SRSF1: variants seen among roughly 807,000 people sequenced by gnomAD.
The protein encoded by SRSF1 is serine and arginine rich splicing factor 1, also known as serine/arginine-rich splicing factor 1.
In SRSF1, 1 loss-of-function variant was observed where a neutral mutation model predicts 25.9. The observed-to-expected ratio is 0.04, with a 90% CI of 0.01 to 0.18. The LOEUF (loss-of-function observed/expected upper bound fraction) is 0.18, where lower values mean the gene tolerates loss of function less well. SRSF1 is among the 10% of genes least tolerant of loss of function. SRSF1 has a pLI of 1.00. For missense variants in SRSF1, 65 were observed against 350.5 expected, an observed-to-expected ratio of 0.19 and a Z score of 6.50; for synonymous variants, 132 against 126.2, an observed-to-expected ratio of 1.05 and a Z score of -0.31.
At chr17:57,996,835 C>T (rs1219889249), downstream of SRSF1, among the ~76,000 whole-genome samples, 1 of 152,040 alleles carries the variant, frequency 6.6e-6, no homozygotes, top group Non-Finnish European at 1.5e-5. Flanking sequence ...GGTCAGGGTC[C>T]TAAAGTTAAT....
rs1219588699 is a variant in SRSF1 at position 58,005,074 on chromosome 17, A to G, written c.*332T>C. 18 of 457,060 alleles carry G rather than the reference A, an allele frequency of 3.9e-5. No homozygotes were observed. The highest frequency in any genetic ancestry group is 4.6e-5 in the Non-Finnish European group (12 of 260,518). 28.3% of individuals were successfully genotyped at this position (457,060 alleles called of 1,614,324 possible). On this transcript the variant is annotated 3_prime_UTR_variant, in exon 4 of 4. Coordinates refer to ENST00000258962, the MANE Select transcript of SRSF1 (RefSeq NM_006924.5). This position sits in a 1 kb window ranked among gnomAD's most constrained non-coding sequence, Gnocchi z 5.2. ...AAGACACATGAAAAGCAAGATAAACATAAGAACTTCCCCAGGTAAGATAAC... is the reference window on the plus strand; with the variant it reads ...AAGACACATGAAAAGCAAGATAAACGTAAGAACTTCCCCAGGTAAGATAAC...
chr17:57,999,959 G>A (rs1050557406), downstream of SRSF1, among the ~76,000 whole-genome samples: 4 of 152,028 alleles, frequency 2.6e-5, no homozygotes, highest in African/African-American at 9.7e-5. Flanking sequence ...TGAACTAAGT[G>A]TTGTTTTGCT....
chr17:57,996,469 G>A (rs1274413170), downstream of SRSF1, among the ~76,000 whole-genome samples: 1 of 95,816 alleles, frequency 1.0e-5, no homozygotes, highest in African/African-American at 4.2e-5. Context: ...AGGTGACAGT[G>A]CAAGACACTG....
Position 58,006,871 on chromosome 17 carries a change from T to C in SRSF1, c.194+73A>G, listed in dbSNP as rs368479768. On this transcript the variant is annotated intron_variant, in intron 1 of 3. Transcript: ENST00000258962. ...AGAGCCCCCGCTTCCCCGTTCTCTA[T>C]GTTAAGGCCTTGGAGCCTTCCCCAA... 11 of 1,547,802 alleles carry C rather than the reference T, an allele frequency of 7.1e-6. No individual in the cohort carries two copies. The South Asian group carries it at 8.2e-5, about 12-fold the overall frequency.
chr17:58,004,729 G>T lies in SRSF1; in HGVS notation c.*677C>A, dbSNP rs116549295. 1,443 of 367,286 alleles carry T rather than the reference G, an allele frequency of 3.9e-3. 17 individuals carry two copies. Among genetic ancestry groups the T allele is most frequent in the South Asian group, 0.029 (197 of 6,756 alleles). 22.8% of individuals were successfully genotyped at this position (367,286 alleles called of 1,614,324 possible). A position where few individuals can be genotyped will look rare whatever the true frequency, so the allele number is the denominator to read the frequency against. ...TGGGGGGAAGGGAGCAAAATAAGTT[G>T]CTACAAAATGGGCAATATAATTTTG... On this transcript the variant is annotated 3_prime_UTR_variant, in exon 4 of 4. Transcript: ENST00000258962.
In SRSF1 at chr17:58,006,521, C is replaced by T. The variant is rs1130307; in HGVS notation, c.201G>A (p.Ala67=). The T allele has an allele frequency of 2.5e-6, 4 of 1,612,016 alleles. No individual in the cohort carries two copies. The highest frequency in any genetic ancestry group is 3.4e-6 in the Non-Finnish European group (4 of 1,178,954). The change falls in exon 2 of 4, where the codon GCG becomes GCA. Residue 67 remains alanine, a synonymous_variant. Transcript: ENST00000258962. The part of the protein sequence containing the change: ...AFVEFEDPRD[A]EDAVYGRDGY... ...CGTCGCGACCATACACCGCGTCTTCCGCGTCTCTGCGGGATCGCAGAAAGT... is the reference window on the plus strand; with the variant it reads ...CGTCGCGACCATACACCGCGTCTTCTGCGTCTCTGCGGGATCGCAGAAAGT...
At position 58,004,827 on chromosome 17, in the gene SRSF1, T is replaced by TG; in HGVS notation, c.*578_*579insC. 1 of 397,488 alleles carries TG rather than the reference T, an allele frequency of 2.5e-6. No homozygotes were observed. Among genetic ancestry groups the TG allele is most frequent in the Non-Finnish European group, 4.4e-6 (1 of 225,460 alleles). The allele number at this position is 397,488 out of a possible 1,614,324, so 24.6% of individuals were successfully genotyped here. On this transcript the variant is annotated 3_prime_UTR_variant, in exon 4 of 4. Transcript: ENST00000258962. The stretch of plus-strand genomic sequence containing the variant: ...ACTGAATAAAATGTTTGCAAGTGTT[T>TG]TAAGGAAAATGTATATAATCATTTT...
At chr17:57,998,418 A>G (rs1233322634), downstream of SRSF1, among the ~76,000 whole-genome samples, 1 of 151,734 alleles carries the variant, frequency 6.6e-6, no homozygotes, top group Non-Finnish European at 1.5e-5. Context: ...ACATATAAAG[A>G]CTCCTCCTCT....
Position 58,006,327 on chromosome 17 carries a change from C to G in SRSF1, c.379+16G>C, listed in dbSNP as rs779889133. ...TTTCGTCCCTTCACATCAATCCACACAACCAGTACACTCACCAGAGACAAC... is the reference window on the plus strand; with the variant it reads ...TTTCGTCCCTTCACATCAATCCACAGAACCAGTACACTCACCAGAGACAAC... On this transcript the variant is annotated intron_variant, in intron 2 of 3. Transcript: ENST00000258962. 6.3e-7 allele frequency: 1 copy of G among 1,598,934 alleles called. No individual in the cohort carries two copies. The highest frequency in any genetic ancestry group is 8.5e-7 in the Non-Finnish European group (1 of 1,171,500).
chr17:57,989,411 ATTATT>A, the SRSF1 span: 11 of 397,908 alleles, frequency 2.8e-5, no homozygotes, highest in African/African-American at 1.4e-4. Context: ...AGATGGACGC[ATTATT>A]TTAAGACTTT....
At chr17:57,998,107 T>C (rs1006300719), downstream of SRSF1, among the ~76,000 whole-genome samples, 1 of 152,060 alleles carries the variant, frequency 6.6e-6, no homozygotes, top group Non-Finnish European at 1.5e-5. Context: ...TACCAGCTAC[T>C]TGGGAGGCAG....
the SRSF1 span, chr17:57,994,313 TAACTC>T: frequency 6.6e-5 from 10 of 152,244 alleles, no homozygotes; most frequent in African/African-American, 1.2e-4. Flanking sequence ...GCTGAGGTGT[TAACTC>T]TAATCAGTTA....
chr17:58,005,233 T>A lies in SRSF1; in HGVS notation c.*173A>T. 1 of 667,766 alleles carries A rather than the reference T, an allele frequency of 1.5e-6. No homozygotes were observed. Among genetic ancestry groups the A allele is most frequent in the East Asian group, 2.7e-5 (1 of 36,866 alleles). The allele number at this position is 667,766 out of a possible 1,614,324, so 41.4% of individuals were successfully genotyped here. A position where few individuals can be genotyped will look rare whatever the true frequency, so the allele number is the denominator to read the frequency against. Reference sequence around the variant, plus strand: ...ATGACATCACTTAAAATACAATTTATCAAAGACACGAAGGGAATGTAGATG... The same window carrying A: ...ATGACATCACTTAAAATACAATTTAACAAAGACACGAAGGGAATGTAGATG... On this transcript the variant is annotated 3_prime_UTR_variant, in exon 4 of 4. Coordinates refer to ENST00000258962, the MANE Select transcript of SRSF1 (RefSeq NM_006924.5). This position sits in a 1 kb window ranked among gnomAD's most constrained non-coding sequence, Gnocchi z 5.2.
intron 1 of SRSF1, 44 bp from the exon 2 acceptor site, chr17:58,006,571 G>GAA: frequency 3.2e-6 from 5 of 1,568,526 alleles, no homozygotes; most frequent in Non-Finnish European, 4.3e-6. Context: ...ACACCAGGAG[G>GAA]AGAAGCTCGC....
downstream of SRSF1, among the ~76,000 whole-genome samples, chr17:58,000,516 G>A (rs1352372753): frequency 6.6e-6 from 1 of 152,112 alleles, no homozygotes; most frequent in East Asian, 1.9e-4. Flanking sequence ...GGATGCCTGA[G>A]TATTTGCTTC....
At chr17:57,989,835 T>G in the SRSF1 span, 2 of 398,402 alleles carry the variant, frequency 5.0e-6, no homozygotes, top group Admixed American at 4.4e-5. Flanking sequence ...AAAGAGTTTC[T>G]GATACATTTA....
rs1479364412 is a variant in SRSF1, at chr17:58,005,846, G to C, written c.507C>G (p.Thr169=). The C allele has an allele frequency of 6.2e-7, 1 of 1,614,052 alleles. No individual in the cohort carries two copies. Residue 169 remains threonine, a synonymous_variant, in exon 3 of 4, where the codon ACC becomes ACG. Transcript: ENST00000258962. This position sits in a 1 kb window ranked among gnomAD's most constrained non-coding sequence, Gnocchi z 5.2. The stretch of plus-strand genomic sequence containing the variant: ...TGTTATCCAGTTTTCGAACTGCATA[G>C]GTCATATCTTCTTTCCGTACAAACT... ...VVEFVRKEDM[T]YAVRKLDNTK...
downstream of SRSF1, among the ~76,000 whole-genome samples, chr17:57,998,343 G>A (rs571690875): frequency 2.6e-5 from 4 of 152,188 alleles, no homozygotes; most frequent in South Asian, 8.3e-4. Context: ...CTTCCCTTTT[G>A]CTTGACTGAT....
Position 58,005,927 on chromosome 17 carries a change from A to G in SRSF1, c.426T>C (p.Arg142=). 1.2e-6 allele frequency: 2 copies of G among 1,613,740 alleles called. No individual in the cohort carries two copies. Among genetic ancestry groups the G allele is most frequent in the South Asian group, 2.2e-5 (2 of 91,084 alleles). Residue 142 remains arginine (R), a synonymous_variant, in exon 3 of 4, where the codon CGT becomes CGC. Coordinates refer to ENST00000258962, the MANE Select transcript of SRSF1 (RefSeq NM_006924.5). The surrounding 1 kb of genome is among the most constrained non-coding windows in gnomAD (Gnocchi z 5.2). ...CAGCATAACATACATCACCTGCTTC[A>G]CGCATGTGATCCTTTAAATCCTGCC... ...GSWQDLKDHM[R]EAGDVCYADV... is the part of the protein sequence containing the mutation.
Sources: allele counts gnomAD v4.1 joint callset (sites outside exome capture counted in the v4.1 genomes callset), GRCh38; gene constraint gnomAD v4.1.1; non-coding constraint Gnocchi (gnomAD v3.1); transcripts MANE v1.5; gene names NCBI Gene and HGNC (gene_info 2026-07-23, HGNC 2026-07-21).